TTLL5: variants seen among roughly 807,000 people sequenced by gnomAD.
The protein encoded by TTLL5 is tubulin polyglutamylase TTLL5.
Under a neutral mutation model 168.4 loss-of-function variants are expected in TTLL5, and 132 were observed. The ratio of observed to expected loss-of-function variants is 0.78; its 90% CI spans 0.68 to 0.91. The LOEUF is 0.91. Among genes scored for constraint, TTLL5 ranks in the 40% least tolerant of loss-of-function variants. The pLI, the probability that TTLL5 is intolerant of heterozygous loss-of-function variation, is 0.00. For missense variants in TTLL5, 1,545 were observed against 1,581.5 expected (o/e 0.98, Z 0.39); for synonymous variants, 546 against 558.6 (o/e 0.98, Z 0.32).
At chr14:75,741,497 C>T (rs1293051055) in intron 15 of TTLL5, among the ~76,000 whole-genome samples, 1 of 145,780 alleles carries the variant, frequency 6.9e-6, no homozygotes, top group Non-Finnish European at 1.5e-5. Flanking sequence ...TTTTGATAGT[C>T]TTGGTGGCCT....
At chr14:75,877,222 T>C (rs1198970453) in intron 29 of TTLL5, among the ~76,000 whole-genome samples, 1 of 152,194 alleles carries the variant, frequency 6.6e-6, no homozygotes, top group African/African-American at 2.4e-5. Flanking sequence ...CCAGCTCTGC[T>C]CCATCACCAG....
chr14:75,949,130 C>T (rs879481920), intron 31 of TTLL5, among the ~76,000 whole-genome samples: 22 of 151,856 alleles, frequency 1.4e-4, no homozygotes, highest in Admixed American at 1.1e-3. Context: ...CCAAAAAGAA[C>T]GTTCAAATAG....
At chr14:75,733,040 T>C (rs1197896984) in intron 13 of TTLL5, among the ~76,000 whole-genome samples, 1 of 152,234 alleles carries the variant, frequency 6.6e-6, no homozygotes, top group East Asian at 1.9e-4. Context: ...ACTCTAGAGA[T>C]TTATGCCAAA....
chr14:75,707,209 TC>T, intron 8 of TTLL5, 122 bp downstream of exon 8: 2 of 753,554 alleles, frequency 2.7e-6, no homozygotes, highest in Non-Finnish European at 4.5e-6. Context: ...CATGTGTGGC[TC>T]CAGAAAGGCA....
chr14:75,771,911 ATT>A (rs57636956), intron 21 of TTLL5, 57 bp downstream of exon 21: 195,638 of 1,211,982 alleles, frequency 0.16, 2 homozygotes, highest in South Asian at 0.18. Context: ...TTCTTTCTGT[ATT>A]TTTTTTTTTT....
At chr14:75,864,991 C>A (rs999702307) in intron 29 of TTLL5, among the ~76,000 whole-genome samples, 1 of 151,954 alleles carries the variant, frequency 6.6e-6, no homozygotes. Context: ...TCTTTACCTG[C>A]GGTAGTATAC....
At chr14:75,773,864 T>A (rs1237614093) in intron 21 of TTLL5, among the ~76,000 whole-genome samples, 1 of 138,554 alleles carries the variant, frequency 7.2e-6, no homozygotes, top group Admixed American at 7.9e-5. Context: ...CACTTCAGGC[T>A]GGGTGACAGA....
intron 7 of TTLL5, among the ~76,000 whole-genome samples, chr14:75,706,324 G>A (rs779783682): frequency 2.0e-5 from 3 of 152,096 alleles, no homozygotes; most frequent in Non-Finnish European, 4.4e-5. Context: ...TCAGGGATAG[G>A]GATTTACTGA....
At position 75,663,189 on chromosome 14, in the gene TTLL5, T is replaced by G. The variant is rs201704357; in HGVS notation, c.40T>G (p.Ser14Ala). Residue 14 changes from serine to alanine, a missense_variant, in exon 2 of 32, where the codon TCA (serine) becomes GCA (alanine). Transcript: ENST00000298832. ...VMARDLEETA[S>A]SSEDEEVISQ... ...GGCCCGGGACCTGGAGGAAACAGCA[T>G]CATCCTCAGAGGATGAGGAGGTCAT... 6.2e-7 allele frequency: 1 copy of G among 1,613,622 alleles called. No individual in the cohort carries two copies. The highest frequency in any genetic ancestry group is 8.5e-7 in the Non-Finnish European group (1 of 1,179,886).
At chr14:75,838,921 A>T (rs1896047730) in intron 28 of TTLL5, 1 of 152,794 alleles carries the variant, frequency 6.5e-6, no homozygotes, top group Admixed American at 6.5e-5. Flanking sequence ...GTAGTCCCTT[A>T]TGGTAACAAA....
chr14:75,953,130 T>C (rs570475122), intron 31 of TTLL5, among the ~76,000 whole-genome samples: 8 of 152,278 alleles, frequency 5.3e-5, no homozygotes, highest in African/African-American at 1.9e-4. Context: ...TTATGCACAA[T>C]AGATACTTGA....
intron 28 of TTLL5, among the ~76,000 whole-genome samples, chr14:75,829,785 A>C (rs1373327963): frequency 6.6e-6 from 1 of 152,190 alleles, no homozygotes; most frequent in Non-Finnish European, 1.5e-5. Context: ...TATTTAAGGT[A>C]TTTGCAGGGA....
intron 28 of TTLL5, chr14:75,838,283 G>C (rs919771021): frequency 1.3e-5 from 2 of 152,028 alleles, no homozygotes; most frequent in Non-Finnish European, 2.9e-5. Context: ...GGCTGGGCGT[G>C]GTGGCTCACA....
rs2034774770 is a variant in TTLL5 at position 75,946,423 on chromosome 14, A to G, written c.3824-8001A>G. On this transcript the variant is annotated intron_variant, in intron 31 of 31. Coordinates refer to ENST00000298832, the MANE Select transcript of TTLL5 (RefSeq NM_015072.5). ...GAGAAAGTGGAATGAGATAGAGAAT[A>G]AATCCACAAGGAGGAAAAGGAAACA... Among the ~76,000 whole-genome samples, 5 of 152,388 alleles carry G rather than the reference A, an allele frequency of 3.3e-5. No homozygotes were observed. The South Asian group carries it at 1.0e-3, about 32-fold the overall frequency.
intron 3 of TTLL5, among the ~76,000 whole-genome samples, chr14:75,674,049 C>CT (rs1276287039): frequency 3.3e-5 from 5 of 152,178 alleles, no homozygotes; most frequent in African/African-American, 9.7e-5. Flanking sequence ...GCGGACCCTT[C>CT]TTTTTTAGAA....
At chr14:75,742,144 A>C (rs950784338) in intron 15 of TTLL5, among the ~76,000 whole-genome samples, 1 of 152,130 alleles carries the variant, frequency 6.6e-6, no homozygotes, top group African/African-American at 2.4e-5. Context: ...TTGACCTTTG[A>C]TATAGCTTTT....
intron 31 of TTLL5, among the ~76,000 whole-genome samples, chr14:75,919,624 A>G (rs1040276587): frequency 6.6e-6 from 1 of 152,282 alleles, no homozygotes; most frequent in Middle Eastern, 3.4e-3. Context: ...ACAAATATTA[A>G]CCAAAAATTG....
intron 26 of TTLL5, 21 bp downstream of exon 26, chr14:75,783,551 C>T: frequency 6.2e-7 from 1 of 1,606,776 alleles, no homozygotes. Flanking sequence ...GAACGAAAGA[C>T]AGTCCACAAT....
At chr14:75,813,171 C>T (rs1423498906) in intron 27 of TTLL5, among the ~76,000 whole-genome samples, 1 of 149,848 alleles carries the variant, frequency 6.7e-6, no homozygotes, top group Non-Finnish European at 1.5e-5. Flanking sequence ...ATAAAATATG[C>T]TTAGCATGTT....
Sources: allele counts gnomAD v4.1 joint callset (sites outside exome capture counted in the v4.1 genomes callset), GRCh38; gene constraint gnomAD v4.1.1; transcripts MANE v1.5; gene names NCBI Gene and HGNC (gene_info 2026-07-23, HGNC 2026-07-21).